The following ZNF224 variants were observed in gnomAD, a reference collection of about 807,000 sequenced individuals.
ZNF224 encodes the protein bone marrow zinc finger 2.
In ZNF224, 8 loss-of-function variants were observed where a neutral mutation model predicts 10.5. That is an observed-to-expected ratio of 0.76 (90% CI 0.45 to 1.37). The LOEUF is 1.37. ZNF224 is among the 40% of genes most tolerant of loss of function. The pLI, the probability that ZNF224 is intolerant of heterozygous loss-of-function variation, is 0.00. For synonymous variants in ZNF224, 282 were observed against 287.8 expected (o/e 0.98, Z 0.20); for missense variants, 754 against 854.0 (o/e 0.88, Z 1.46).
At position 44,108,058 on chromosome 19, in the gene ZNF224, T is replaced by C. The variant is rs185095620; in HGVS notation, c.1898T>C (p.Ile633Thr). 1.4e-5 allele frequency: 23 copies of C among 1,612,032 alleles called. No individual in the cohort carries two copies. Among genetic ancestry groups the C allele is most frequent in the Middle Eastern group, 1.7e-4 (1 of 6,056 alleles). Reference protein sequence around the residue: ...PLKCEQHGKNIVQNSFSKVQE... With the variant: ...PLKCEQHGKNTVQNSFSKVQE... ...AAATGTGAGCAGCATGGGAAGAACA[T>C]TGTACAGAATTCATTCTCTAAAGTG... The change falls in exon 6 of 6, where the codon ATT becomes ACT. Residue 633 changes from isoleucine (I) to threonine (T), a missense_variant. Transcript: ENST00000693561.
chr19:44,097,333 A>G (rs1473465008), intron 2 of ZNF224, among the ~76,000 whole-genome samples: 1 of 152,218 alleles, frequency 6.6e-6, no homozygotes, highest in Non-Finnish European at 1.5e-5. Flanking sequence ...CAGTTTGCTG[A>G]ATGGAGTAAC....
Position 44,108,268 on chromosome 19 carries a change from TTGGA to T in ZNF224, c.2109_2112del (p.Gly704LysfsTer10). The T allele has an allele frequency of 6.2e-7, 1 of 1,609,994 alleles. No homozygotes were observed. The highest frequency in any genetic ancestry group is 8.5e-7 in the Non-Finnish European group (1 of 1,177,918). On this transcript the variant is annotated frameshift_variant, in exon 6 of 6. Coordinates refer to ENST00000693561, the MANE Select transcript of ZNF224 (RefSeq NM_001321645.3). LOFTEE classifies it high-confidence loss of function. The stretch of plus-strand genomic sequence containing the variant: ...CTTCGACTTCATCAGAATGTTCATG[TTGGA>T]GAAAAACCTTAGTGATGTGATGGTG...
intron 3 of ZNF224, among the ~76,000 whole-genome samples, chr19:44,098,587 AT>A (rs545606486): frequency 5.4e-4 from 79 of 146,608 alleles, no homozygotes; most frequent in East Asian, 9.9e-4. Flanking sequence ...ATGTAAGCTA[AT>A]TTTTTTTTTT....
chr19:44,106,301 C>A lies in ZNF224; in HGVS notation c.236-95C>A, dbSNP rs937052263. On this transcript the variant is annotated intron_variant, in intron 5 of 5. Transcript: ENST00000693561. The stretch of plus-strand genomic sequence containing the variant: ...AAATACAAACTGAATGTTGTCTATA[C>A]TCATGAGAGTTTCCTGCCATGGCCT... The A allele has an allele frequency of 6.1e-6, 8 of 1,320,750 alleles. No individual in the cohort carries two copies. In the African/African-American group the frequency reaches 8.8e-5, roughly 15 times the overall value. The allele number at this position is 1,320,750 out of a possible 1,614,324, so 81.8% of individuals were successfully genotyped here.
At chr19:44,102,461 T>C (rs941378692) in intron 5 of ZNF224, among the ~76,000 whole-genome samples, 8 of 152,226 alleles carry the variant, frequency 5.3e-5, no homozygotes, top group Non-Finnish European at 8.8e-5. Flanking sequence ...TAACCTGATA[T>C]ATGAGCTAAT....
chr19:44,100,483 G>T (rs1233682025), intron 3 of ZNF224, among the ~76,000 whole-genome samples: 1 of 152,208 alleles, frequency 6.6e-6, no homozygotes, highest in Non-Finnish European at 1.5e-5. Context: ...GAGGGTGATT[G>T]TCAAGATTTA....
At chr19:44,101,571 C>A (rs1177472191) in intron 5 of ZNF224, among the ~76,000 whole-genome samples, 1 of 152,230 alleles carries the variant, frequency 6.6e-6, no homozygotes, top group Non-Finnish European at 1.5e-5. Flanking sequence ...CTCCTGTCCT[C>A]TCCTTCTTGC....
rs7256304 is a variant in ZNF224 at position 44,109,024 on chromosome 19, T to C, written c.*740T>C. On this transcript the variant is annotated 3_prime_UTR_variant, in exon 6 of 6. Coordinates refer to ENST00000693561, the MANE Select transcript of ZNF224 (RefSeq NM_001321645.3). ...CCCATCCTGTGCTCTGAAGTCAGAG[T>C]ATTATTTGTGGCTCTATGAAATGTC... 0.047 allele frequency: 9,348 copies of C among 197,312 alleles called. 986 individuals are homozygous for C. Among genetic ancestry groups the C allele is most frequent in the African/African-American group, 0.21 (8,847 of 42,348 alleles). 12.2% of individuals were successfully genotyped at this position (197,312 alleles called of 1,614,324 possible).
In ZNF224 at chr19:44,108,607, GC is replaced by G. The variant is rs1967757012; in HGVS notation, c.*325del. 1 of 476,040 alleles carries G rather than the reference GC, an allele frequency of 2.1e-6. No homozygotes were observed. The highest frequency in any genetic ancestry group is 1.6e-5 in the South Asian group (1 of 63,194). The allele number at this position is 476,040 out of a possible 1,614,324, so 29.5% of individuals were successfully genotyped here. ...ATTACAGCTATCATTCAGGAGACAGGCCTTAGAAAGAGTAAGAGTTCATGAA... is the reference window on the plus strand; with the variant it reads ...ATTACAGCTATCATTCAGGAGACAGGCTTAGAAAGAGTAAGAGTTCATGAA... On this transcript the variant is annotated 3_prime_UTR_variant, in exon 6 of 6. Coordinates refer to ENST00000693561, the MANE Select transcript of ZNF224 (RefSeq NM_001321645.3).
chr19:44,106,570 G>A lies in ZNF224; in HGVS notation c.410G>A (p.Gly137Glu), dbSNP rs779321157. ...GATTTCCCCTGCCAGACTGAGGCAG[G>A]ACTATCTGTAATTCACACAAGACAG... ...EGDFPCQTEA[G>E]LSVIHTRQKS... Residue 137 changes from glycine (G) to glutamate (E), a missense_variant, in exon 6 of 6, where the codon GGA becomes GAA. Physicochemically the swap from Gly to Glu is moderately conservative, Grantham distance 98. Transcript: ENST00000693561. 1.1e-5 allele frequency: 18 copies of A among 1,613,470 alleles called. No individual in the cohort carries two copies. In the South Asian group the frequency reaches 1.9e-4, roughly 17 times the overall value.
At chr19:44,094,902 G>A (rs1190128471) in intron 1 of ZNF224, 1 of 152,704 alleles carries the variant, frequency 6.5e-6, no homozygotes, top group East Asian at 1.9e-4. Flanking sequence ...AGGACCGGGT[G>A]GGGTCAGAGC....
intron 1 of ZNF224, chr19:44,095,136 G>C (rs573729474): frequency 4.2e-6 from 1 of 238,722 alleles, no homozygotes; most frequent in Non-Finnish European, 8.9e-6. Flanking sequence ...GGGACTTCTT[G>C]GCTTCTGAGG....
intron 5 of ZNF224, among the ~76,000 whole-genome samples, chr19:44,104,771 C>T (rs973156346): frequency 1.3e-5 from 2 of 152,144 alleles, no homozygotes; most frequent in African/African-American, 4.8e-5. Flanking sequence ...TTGCCATTCT[C>T]CTGCCTCAGC....
Position 44,106,417 on chromosome 19 carries a change from T to C in ZNF224, c.257T>C (p.Met86Thr), listed in dbSNP as rs755736302. 117 of 1,614,064 alleles carry C rather than the reference T, an allele frequency of 7.2e-5. No individual in the cohort carries two copies. Among genetic ancestry groups the C allele is most frequent in the Middle Eastern group, 6.6e-4 (4 of 6,084 alleles). ...ATAGGAGACAAGATCCAAACTGAGA[T>C]GGAGACTGTTTCAGAAGCAGGAACA... The part of the protein sequence containing the change: ...GNSGDKIQTE[M>T]ETVSEAGTHQ... The change falls in exon 6 of 6, where the codon ATG becomes ACG. Residue 86 changes from methionine to threonine, a missense_variant. Physicochemically the swap from Met to Thr is moderately conservative, Grantham distance 81. Coordinates refer to ENST00000693561, the MANE Select transcript of ZNF224 (RefSeq NM_001321645.3).
At chr19:44,106,356 G>A (rs374736213) in intron 5 of ZNF224, 40 bp from the exon 6 acceptor site, 5 of 1,603,310 alleles carry the variant, frequency 3.1e-6, no homozygotes, top group African/African-American at 2.7e-5. Flanking sequence ...CTGAACAAAG[G>A]CTTCACTTGT....
chr19:44,104,576 C>T (rs1353703175), intron 5 of ZNF224, among the ~76,000 whole-genome samples: 1 of 152,114 alleles, frequency 6.6e-6, no homozygotes, highest in African/African-American at 2.4e-5. Flanking sequence ...GTATTGTATT[C>T]TCCCCATAGA....
Position 44,108,417 on chromosome 19 carries a change from T to C in ZNF224, c.*133T>C. The C allele has an allele frequency of 1.1e-6, 1 of 936,706 alleles. No homozygotes were observed. Among genetic ancestry groups the C allele is most frequent in the Non-Finnish European group, 1.6e-6 (1 of 641,768 alleles). 58.0% of individuals were successfully genotyped at this position (936,706 alleles called of 1,614,324 possible). A position where few individuals can be genotyped will look rare whatever the true frequency, so the allele number is the denominator to read the frequency against. On this transcript the variant is annotated 3_prime_UTR_variant, in exon 6 of 6. Coordinates refer to ENST00000693561, the MANE Select transcript of ZNF224 (RefSeq NM_001321645.3). ...TCCCTTTGAGTATTTTATCTCTGAA[T>C]CCATGCTGGTGATAAATTTCACCCA...
intron 3 of ZNF224, among the ~76,000 whole-genome samples, chr19:44,100,401 G>A (rs1017100492): frequency 2.0e-5 from 3 of 152,160 alleles, no homozygotes; most frequent in African/African-American, 7.2e-5. Flanking sequence ...ATAACATCCA[G>A]GGTTCGAGTT....
rs777450242 is a variant in ZNF224 at position 44,107,681 on chromosome 19, T to C, written c.1521T>C (p.Thr507=). The change falls in exon 6 of 6, where the codon ACT becomes ACC. Residue 507 remains threonine, a synonymous_variant. Transcript: ENST00000693561. ...SHLHSHQRVH[T]GEKPYKCEKC... The stretch of plus-strand genomic sequence containing the variant: ...TTCATTCCCATCAGAGAGTTCACAC[T>C]GGAGAAAAGCCATACAAATGTGAGA... The C allele has an allele frequency of 6.2e-7, 1 of 1,613,780 alleles. No homozygotes were observed. Among genetic ancestry groups the C allele is most frequent in the Admixed American group, 1.7e-5 (1 of 59,982 alleles).
Sources: allele counts gnomAD v4.1 joint callset (sites outside exome capture counted in the v4.1 genomes callset), GRCh38; gene constraint gnomAD v4.1.1; transcripts MANE v1.5; gene names NCBI Gene and HGNC (gene_info 2026-07-23, HGNC 2026-07-21).